SPDYE1: variants seen among roughly 807,000 people sequenced by gnomAD.
SPDYE1 encodes speedy protein E1.
SPDYE1 carries 29 observed loss-of-function variants against 45.9 expected under a neutral mutation model. The observed-to-expected ratio is 0.63, with a 90% CI of 0.47 to 0.86. The LOEUF (loss-of-function observed/expected upper bound fraction) is 0.86, where lower values mean the gene tolerates loss of function less well. SPDYE1 is among the 40% of genes least tolerant of loss of function. The pLI is 0.00. For synonymous variants in SPDYE1, 134 were observed against 176.8 expected (o/e 0.76, Z 1.92); for missense variants, 346 against 481.4 (o/e 0.72, Z 2.63).
intron 1 of SPDYE1, among the ~76,000 whole-genome samples, chr7:43,998,725 G>A (rs1338842423): frequency 7.4e-6 from 1 of 135,218 alleles, no homozygotes; most frequent in Non-Finnish European, 1.6e-5. Context: ...AGACTGGAGT[G>A]CAGTGGCAAG....
intron 1 of SPDYE1, among the ~76,000 whole-genome samples, chr7:43,998,203 A>G (rs2128774787): frequency 6.6e-6 from 1 of 152,166 alleles, no homozygotes; most frequent in African/African-American, 2.4e-5. Context: ...TAACAATGGG[A>G]CTTCCACAGC....
chr7:44,005,339 T>G, intron 6 of SPDYE1, 112 bp downstream of exon 6: 1 of 1,414,438 alleles, frequency 7.1e-7, no homozygotes, highest in South Asian at 1.2e-5. Context: ...CTTTACTCTG[T>G]GTACAAAAAA....
intron 3 of SPDYE1, among the ~76,000 whole-genome samples, chr7:44,001,959 G>C (rs1047816417): frequency 2.0e-3 from 300 of 150,904 alleles, no homozygotes; most frequent in African/African-American, 7.0e-3. Context: ...AAAAAAAGAA[G>C]GAAGGGCGGG....
intron 6 of SPDYE1, 104 bp from the exon 7 acceptor site, chr7:44,007,164 C>A: frequency 6.2e-7 from 1 of 1,603,658 alleles, no homozygotes; most frequent in African/African-American, 1.3e-5. Context: ...GGGTGCCAGT[C>A]CTGAGCTAGG....
chr7:44,001,555 G>A (rs2096063067), intron 3 of SPDYE1, among the ~76,000 whole-genome samples: 1 of 152,108 alleles, frequency 6.6e-6, no homozygotes, highest in Non-Finnish European at 1.5e-5. Flanking sequence ...TTGGGAGGCT[G>A]AGGCAAGAGG....
chr7:44,001,470 T>C (rs1360298532), intron 3 of SPDYE1, among the ~76,000 whole-genome samples, 186 bp downstream of exon 3: 3 of 152,064 alleles, frequency 2.0e-5, no homozygotes, highest in African/African-American at 7.2e-5. Flanking sequence ...CTAGACTTGA[T>C]AAAGGTTGGC....
rs1274528011 is a variant in SPDYE1, at chr7:44,002,779, T to C, written c.569T>C (p.Val190Ala). 8 of 1,551,706 alleles carry C rather than the reference T, an allele frequency of 5.2e-6. No homozygotes were observed. Among genetic ancestry groups the C allele is most frequent in the Non-Finnish European group, 1.7e-6 (2 of 1,160,992 alleles). ...CTGAAGCGACGGCGAGTGTCGCTCG[T>C]GCTCCCTGAGCACCACGAGGCCTTC... ...MKLKRRRVSL[V>A]LPEHHEAFNR... Residue 190 changes from valine (V) to alanine (A), a missense_variant, in exon 4 of 9, where the codon GTG becomes GCG. Val to Ala is a moderately conservative substitution (Grantham distance 64, BLOSUM62 0). This residue lies in a region of SPDYE1 where 141 missense variants were observed against 176.7 expected (regional missense o/e 0.80). Transcript: ENST00000693451.
At chr7:44,005,625 C>A (rs1409784880) in intron 6 of SPDYE1, among the ~76,000 whole-genome samples, 1 of 149,050 alleles carries the variant, frequency 6.7e-6, no homozygotes, top group African/African-American at 2.5e-5. Context: ...TTGCAGTAAG[C>A]TAAGGTCGAG....
intron 8 of SPDYE1, among the ~76,000 whole-genome samples, chr7:44,008,084 A>T (rs536649475): frequency 2.4e-4 from 37 of 152,332 alleles, no homozygotes; most frequent in African/African-American, 7.7e-4. Flanking sequence ...ACAGAGTGAG[A>T]CCCTGCCTCA....
Position 44,007,360 on chromosome 7 carries a change from T to G in SPDYE1, c.845T>G (p.Leu282Trp). ...GGGAAGAACCGCTCTCGCATACCCT[T>G]GCTCCGTAAGCGTCGGTTCCAGTTA... ...LYGKNRSRIP[L>W]LRKRRFQLYR... The change falls in exon 7 of 9, where the codon TTG (leucine) becomes TGG (tryptophan). Residue 282 changes from leucine to tryptophan, a missense_variant. Physicochemically the swap from Leu to Trp is moderately conservative, Grantham distance 61. Transcript: ENST00000693451. The G allele has an allele frequency of 2.5e-6, 4 of 1,613,338 alleles. No homozygotes were observed. Among genetic ancestry groups the G allele is most frequent in the Non-Finnish European group, 3.4e-6 (4 of 1,179,576 alleles).
At chr7:44,008,081 G>C (rs1210527685) in intron 8 of SPDYE1, among the ~76,000 whole-genome samples, 7 of 152,304 alleles carry the variant, frequency 4.6e-5, no homozygotes, top group Non-Finnish European at 8.8e-5. Context: ...GCGACAGAGT[G>C]AGACCCTGCC....
Position 44,009,653 on chromosome 7 carries a change from T to C in SPDYE1, c.*1032T>C, listed in dbSNP as rs1407265338. The C allele has an allele frequency of 6.7e-6, 1 of 149,558 alleles. No individual in the cohort carries two copies. The highest frequency in any genetic ancestry group is 1.5e-5 in the Non-Finnish European group (1 of 67,500). 9.3% of individuals were successfully genotyped at this position (149,558 alleles called of 1,614,324 possible). On this transcript the variant is annotated 3_prime_UTR_variant, in exon 9 of 9. Transcript: ENST00000693451. The stretch of plus-strand genomic sequence containing the variant: ...TTAAATGTTATTATTACTTTAAATA[T>C]TATTTTAAATATTTTGGAAATACTG...
At position 44,001,255 on chromosome 7, in the gene SPDYE1, A is replaced by G. The variant is rs2096062586; in HGVS notation, c.350A>G (p.Glu117Gly). ...KQQRVSPILL[E>G]HHKDFNSQLA... ...CAGCGAGTGTCACCCATCCTCCTTG[A>G]GCACCACAAGGACTTCAACAGTCAG... Residue 117 changes from glutamate (E) to glycine (G), a missense_variant, in exon 3 of 9, where the codon GAG (glutamate) becomes GGG (glycine). By Grantham distance (98) the Glu-to-Gly change is moderately conservative (BLOSUM62 -2). This residue lies in a region of SPDYE1 where 141 missense variants were observed against 176.7 expected (regional missense o/e 0.80). Coordinates refer to ENST00000693451, the MANE Select transcript of SPDYE1 (RefSeq NM_001378423.2). The G allele has an allele frequency of 1.3e-6, 2 of 1,597,768 alleles. No homozygotes were observed. The highest frequency in any genetic ancestry group is 1.7e-6 in the Non-Finnish European group (2 of 1,179,922).
intron 1 of SPDYE1, among the ~76,000 whole-genome samples, chr7:43,999,304 T>C (rs2330962): frequency 0.38 from 57,099 of 151,954 alleles, 10,889 homozygotes; most frequent in South Asian, 0.51. Context: ...TACAGAATCT[T>C]GGACAGTGAA....
chr7:43,999,383 A>G (rs963678336), intron 1 of SPDYE1, among the ~76,000 whole-genome samples, 145 bp from the exon 2 acceptor site: 5 of 151,884 alleles, frequency 3.3e-5, no homozygotes, highest in African/African-American at 1.2e-4. Context: ...TCATCAAGTC[A>G]GTATTCCTGG....
At chr7:44,003,535 T>G (rs1011623889) in intron 4 of SPDYE1, among the ~76,000 whole-genome samples, 2 of 152,122 alleles carry the variant, frequency 1.3e-5, no homozygotes, top group Non-Finnish European at 2.9e-5. Flanking sequence ...GACTGTCTCA[T>G]GAGGAAATGA....
intron 6 of SPDYE1, among the ~76,000 whole-genome samples, chr7:44,005,677 CAAAAAAAA>C: frequency 1.1e-5 from 1 of 92,792 alleles, no homozygotes; most frequent in South Asian, 3.5e-4. Flanking sequence ...GACTTTTTCT[CAAAAAAAA>C]AAAAAAAAAG....
chr7:44,001,733 T>C (rs1017482843), intron 3 of SPDYE1, among the ~76,000 whole-genome samples: 2 of 152,028 alleles, frequency 1.3e-5, no homozygotes, highest in South Asian at 2.1e-4. Flanking sequence ...GTGGATCACT[T>C]GAGGTCAGTT....
At chr7:44,008,634 C>T in intron 8 of SPDYE1, 33 bp from the exon 9 acceptor site, 1 of 1,253,262 alleles carries the variant, frequency 8.0e-7, no homozygotes, top group Non-Finnish European at 1.0e-6. Context: ...GAGCTGCCTC[C>T]TTGAAGTGTG....
Sources: allele counts gnomAD v4.1 joint callset (sites outside exome capture counted in the v4.1 genomes callset), GRCh38; gene constraint gnomAD v4.1.1; regional missense constraint gnomAD v4.1.1; transcripts MANE v1.5; gene names NCBI Gene and HGNC (gene_info 2026-07-23, HGNC 2026-07-21).